Variants in GLIS3 observed in about 807,000 individuals in gnomAD.
GLIS3 encodes zinc finger protein GLIS3.
A neutral mutation model predicts 78.6 loss-of-function variants in GLIS3; 53 were observed. The observed-to-expected ratio is 0.67, with a 90% confidence interval of 0.54 to 0.85. The LOEUF (loss-of-function observed/expected upper bound fraction) is 0.85, where lower values mean the gene tolerates loss of function less well. Ranked by LOEUF, GLIS3 falls within the 40% of genes least tolerant of loss-of-function variation. GLIS3 has a pLI of 0.00. For synonymous variants in GLIS3, 684 were observed against 509.9 expected, an observed-to-expected ratio of 1.34 and a Z score of -4.60; for missense variants, 1,703 against 1,231.1, an observed-to-expected ratio of 1.38 and a Z score of -5.74.
intron 2 of GLIS3, among the ~76,000 whole-genome samples, chr9:4,140,150 G>A (rs950095043): frequency 2.6e-5 from 4 of 152,040 alleles, no homozygotes; most frequent in East Asian, 3.9e-4. Context: ...ATGGCGAAAC[G>A]CTGTCTCCAC....
intron 2 of GLIS3, among the ~76,000 whole-genome samples, chr9:4,277,722 T>C (rs1304624568): frequency 6.6e-6 from 1 of 152,242 alleles, no homozygotes; most frequent in Non-Finnish European, 1.5e-5. Flanking sequence ...AATTATATAT[T>C]CCTCCGGGTA....
chr9:3,844,492 A>G (rs1192204502), intron 9 of GLIS3, among the ~76,000 whole-genome samples: 4 of 152,232 alleles, frequency 2.6e-5, no homozygotes, highest in African/African-American at 9.6e-5. Flanking sequence ...ATTTGCTTCT[A>G]GAAAGATGTC....
chr9:4,446,901 T>G, the GLIS3 span, among the ~76,000 whole-genome samples: 3 of 152,058 alleles, frequency 2.0e-5, no homozygotes, highest in Non-Finnish European at 4.4e-5. Flanking sequence ...TGACTGTACT[T>G]AGGTTCCAGC....
At chr9:4,400,191 A>G in the GLIS3 span, among the ~76,000 whole-genome samples, 4 of 152,206 alleles carry the variant, frequency 2.6e-5, no homozygotes, top group South Asian at 2.1e-4. Flanking sequence ...TTTTGGCTAA[A>G]ATCAAGTGGA....
At chr9:4,128,645 T>C (rs538363676) in intron 2 of GLIS3, among the ~76,000 whole-genome samples, 1 of 152,310 alleles carries the variant, frequency 6.6e-6, no homozygotes, top group African/African-American at 2.4e-5. Context: ...TTGATGTCTC[T>C]CCACATAATT....
At chr9:4,072,978 G>T in intron 4 of GLIS3, among the ~76,000 whole-genome samples, 1 of 151,194 alleles carries the variant, frequency 6.6e-6, no homozygotes, top group African/African-American at 2.4e-5. Context: ...CATGATGTTT[G>T]TATTTATAAT....
At chr9:3,930,743 ATT>A (rs1825560442) in intron 6 of GLIS3, among the ~76,000 whole-genome samples, 1 of 152,206 alleles carries the variant, frequency 6.6e-6, no homozygotes, top group Non-Finnish European at 1.5e-5. Flanking sequence ...TTAATGATAG[ATT>A]TACTATTACA....
intron 4 of GLIS3, among the ~76,000 whole-genome samples, chr9:4,037,985 G>A (rs144334213): frequency 1.3e-5 from 2 of 151,984 alleles, no homozygotes; most frequent in Non-Finnish European, 2.9e-5. Flanking sequence ...TGGATAAAAT[G>A]TTTTACAAGA....
chr9:4,484,166 C>T, the GLIS3 span, among the ~76,000 whole-genome samples: 18 of 152,244 alleles, frequency 1.2e-4, no homozygotes, highest in African/African-American at 4.3e-4. Flanking sequence ...ACATAGCTGA[C>T]TCTACTTGGC....
At chr9:4,376,344 G>T in the GLIS3 span, among the ~76,000 whole-genome samples, 4 of 152,184 alleles carry the variant, frequency 2.6e-5, no homozygotes, top group African/African-American at 9.6e-5. Flanking sequence ...TTCAGAGGCT[G>T]AAGATTGTTT....
intron 2 of GLIS3, among the ~76,000 whole-genome samples, chr9:4,195,902 G>C (rs559543534): frequency 3.3e-5 from 5 of 152,236 alleles, no homozygotes; most frequent in Admixed American, 2.6e-4. Context: ...CTAGAGGATT[G>C]TAAATGCACC....
chr9:4,326,980 A>T (rs1177095864), intron 2 of GLIS3, among the ~76,000 whole-genome samples: 2 of 152,246 alleles, frequency 1.3e-5, no homozygotes, highest in Non-Finnish European at 2.9e-5. Context: ...CTGTGCTGAC[A>T]CTAGGGGTAC....
intron 2 of GLIS3, among the ~76,000 whole-genome samples, chr9:4,177,832 G>A (rs991430990): frequency 6.6e-6 from 1 of 152,176 alleles, no homozygotes; most frequent in African/African-American, 2.4e-5. Context: ...AATAAGCTAT[G>A]CGACAGAAAG....
intron 2 of GLIS3, among the ~76,000 whole-genome samples, chr9:4,325,994 T>C (rs1396700554): frequency 6.6e-6 from 1 of 152,078 alleles, no homozygotes; most frequent in Non-Finnish European, 1.5e-5. Flanking sequence ...AAGTGGGAGC[T>C]GAATGATGAT....
the GLIS3 span, among the ~76,000 whole-genome samples, chr9:4,385,698 GAAACAAAGAAAGGAGA>G: frequency 2.8e-5 from 3 of 108,946 alleles, 1 homozygote; most frequent in African/African-American, 1.2e-4. Flanking sequence ...AAGAAAGAAA[GAAACAAAGAAAGGAGA>G]GAGAGAGAGA....
At chr9:4,469,549 C>T in the GLIS3 span, among the ~76,000 whole-genome samples, 6 of 152,204 alleles carry the variant, frequency 3.9e-5, no homozygotes, top group Non-Finnish European at 7.4e-5. Context: ...GGGTACAAAA[C>T]GAAATGAAGG....
At chr9:4,395,368 C>T in the GLIS3 span, among the ~76,000 whole-genome samples, 1 of 152,112 alleles carries the variant, frequency 6.6e-6, no homozygotes, top group Admixed American at 6.5e-5. Context: ...TTTCTCCCTT[C>T]TCATTTATTA....
chr9:3,887,038 A>G (rs1236761543), intron 7 of GLIS3, among the ~76,000 whole-genome samples: 1 of 152,208 alleles, frequency 6.6e-6, no homozygotes, highest in Non-Finnish European at 1.5e-5. Context: ...GGGTTGGCAC[A>G]GTCATCTCTC....
intron 4 of GLIS3, among the ~76,000 whole-genome samples, chr9:3,951,419 C>A (rs1816669231): frequency 6.6e-6 from 1 of 151,414 alleles, no homozygotes. Context: ...AGCAAGGCAT[C>A]CATGAGCTAC....
Sources: allele counts gnomAD v4.1 joint callset (sites outside exome capture counted in the v4.1 genomes callset), GRCh38; gene constraint gnomAD v4.1.1; transcripts MANE v1.5; gene names NCBI Gene and HGNC (gene_info 2026-07-23, HGNC 2026-07-21).